Variants in EXOC4 observed in about 807,000 individuals in gnomAD.
EXOC4 encodes the protein exocyst complex component 4.
EXOC4 carries 71 observed loss-of-function variants against 107.2 expected under a neutral mutation model. The ratio of observed to expected loss-of-function variants is 0.66; its 90% confidence interval spans 0.55 to 0.81. The LOEUF is 0.81. Ranked by LOEUF, EXOC4 falls within the 30% of genes least tolerant of loss-of-function variation. EXOC4 has a pLI of 0.00. For synonymous variants in EXOC4, 456 were observed against 441.2 expected, an observed-to-expected ratio of 1.03 and a Z score of -0.42; for missense variants, 1,108 against 1,189.6, an observed-to-expected ratio of 0.93 and a Z score of 1.01.
intron 7 of EXOC4, among the ~76,000 whole-genome samples, chr7:133,393,552 G>A (rs1477982757): frequency 2.0e-5 from 3 of 152,180 alleles, no homozygotes; most frequent in Non-Finnish European, 4.4e-5. Flanking sequence ...CCAATGTGAT[G>A]GTATTTGGAG....
At chr7:133,344,242 A>T (rs191480804) in intron 5 of EXOC4, among the ~76,000 whole-genome samples, 37 of 152,166 alleles carry the variant, frequency 2.4e-4, no homozygotes, top group Admixed American at 1.7e-3. Flanking sequence ...TTCCTATCCC[A>T]AATTCTTGTT....
At chr7:133,536,943 G>A (rs992364588) in intron 9 of EXOC4, among the ~76,000 whole-genome samples, 14 of 152,030 alleles carry the variant, frequency 9.2e-5, no homozygotes, top group African/African-American at 2.4e-4. Flanking sequence ...GATTTGATTC[G>A]CCAGAACTGT....
chr7:133,658,026 T>C (rs111655885), intron 10 of EXOC4, among the ~76,000 whole-genome samples: 181 of 152,254 alleles, frequency 1.2e-3, no homozygotes, highest in African/African-American at 4.1e-3. Flanking sequence ...GAGAGTATAG[T>C]AGAGTAATCT....
At chr7:133,657,381 A>G (rs1371829740) in intron 10 of EXOC4, among the ~76,000 whole-genome samples, 1 of 152,184 alleles carries the variant, frequency 6.6e-6, no homozygotes, top group Non-Finnish European at 1.5e-5. Context: ...GTTCTGTATT[A>G]GTTCTATCCC....
chr7:133,438,548 G>A (rs1289431246), intron 7 of EXOC4, among the ~76,000 whole-genome samples: 1 of 152,232 alleles, frequency 6.6e-6, no homozygotes, highest in East Asian at 1.9e-4. Context: ...CGTCTGGAAT[G>A]CTTGTTAAAA....
At chr7:133,734,534 T>C (rs1042994103) in intron 10 of EXOC4, among the ~76,000 whole-genome samples, 3 of 152,058 alleles carry the variant, frequency 2.0e-5, no homozygotes, top group Non-Finnish European at 2.9e-5. Context: ...CGAGGATTTT[T>C]CCCCCGGTTT....
In EXOC4 at chr7:133,630,151, G is replaced by T. The variant is rs1222947904; in HGVS notation, c.1514+10G>T. On this transcript the variant is annotated intron_variant, in intron 10 of 17. Transcript: ENST00000253861. ...TCCACCCATTACTAAGGTAAGTCAA[G>T]TGCTATGATATACTTACTGAAGATC... The T allele has an allele frequency of 1.3e-6, 2 of 1,587,976 alleles. No individual in the cohort carries two copies. The highest frequency in any genetic ancestry group is 1.7e-6 in the Non-Finnish European group (2 of 1,156,406).
intron 11 of EXOC4, among the ~76,000 whole-genome samples, chr7:133,888,223 G>T (rs894707500): frequency 6.6e-5 from 10 of 152,056 alleles, no homozygotes; most frequent in African/African-American, 2.4e-4. Flanking sequence ...ATACACCTTT[G>T]TTTATTCTTT....
intron 6 of EXOC4, among the ~76,000 whole-genome samples, chr7:133,365,980 T>G (rs1796242378): frequency 1.3e-5 from 2 of 152,222 alleles, no homozygotes; most frequent in South Asian, 4.1e-4. Flanking sequence ...GGGAAAAGCA[T>G]AACCCTGATA....
At chr7:133,516,219 A>G (rs1799872653) in intron 9 of EXOC4, among the ~76,000 whole-genome samples, 1 of 152,170 alleles carries the variant, frequency 6.6e-6, no homozygotes, top group South Asian at 2.1e-4. Context: ...CACATACCAT[A>G]CTGTTCACCC....
At chr7:133,523,051 G>T (rs534139627) in intron 9 of EXOC4, among the ~76,000 whole-genome samples, 2 of 152,282 alleles carry the variant, frequency 1.3e-5, no homozygotes, top group Non-Finnish European at 2.9e-5. Flanking sequence ...TACATCGAAA[G>T]CTGTAATATA....
chr7:134,018,773 A>T (rs960677607), intron 17 of EXOC4, among the ~76,000 whole-genome samples: 1 of 151,702 alleles, frequency 6.6e-6, no homozygotes, highest in Non-Finnish European at 1.5e-5. Flanking sequence ...ACTAGTTACC[A>T]TGATTGTATT....
At chr7:133,481,847 G>C (rs1479087088) in intron 9 of EXOC4, among the ~76,000 whole-genome samples, 2 of 152,178 alleles carry the variant, frequency 1.3e-5, no homozygotes, top group Non-Finnish European at 2.9e-5. Context: ...GAGTGAAGGA[G>C]GAGGGTGACT....
chr7:133,793,252 T>C (rs1394521036), intron 10 of EXOC4, among the ~76,000 whole-genome samples: 1 of 152,106 alleles, frequency 6.6e-6, no homozygotes, highest in Non-Finnish European at 1.5e-5. Flanking sequence ...ATAGAGGCAA[T>C]AGTACTCTGT....
intron 10 of EXOC4, among the ~76,000 whole-genome samples, chr7:133,694,293 C>G (rs1353154891): frequency 2.7e-5 from 4 of 150,374 alleles, no homozygotes; most frequent in Non-Finnish European, 5.9e-5. Flanking sequence ...GTTATAAATG[C>G]TAAGTCTCAG....
intron 9 of EXOC4, among the ~76,000 whole-genome samples, chr7:133,555,764 T>C (rs1168516749): frequency 6.6e-6 from 1 of 152,226 alleles, no homozygotes; most frequent in Non-Finnish European, 1.5e-5. Context: ...AAATGCAATT[T>C]TGAATTTTCA....
chr7:133,722,062 T>C (rs1184849393), intron 10 of EXOC4, among the ~76,000 whole-genome samples: 1 of 152,222 alleles, frequency 6.6e-6, no homozygotes, highest in Non-Finnish European at 1.5e-5. Flanking sequence ...GATGAAGTTA[T>C]ATACCTGATG....
chr7:133,569,476 C>A (rs1170899808), intron 9 of EXOC4, among the ~76,000 whole-genome samples: 1 of 152,104 alleles, frequency 6.6e-6, no homozygotes, highest in Non-Finnish European at 1.5e-5. Context: ...TACAAGCAGG[C>A]AGTTATTTTC....
chr7:133,428,326 C>T (rs1284320962), intron 7 of EXOC4, among the ~76,000 whole-genome samples: 1 of 152,198 alleles, frequency 6.6e-6, no homozygotes, highest in Non-Finnish European at 1.5e-5. Context: ...TTCTTTCTCC[C>T]TTGGACTTCT....
Sources: allele counts gnomAD v4.1 joint callset (sites outside exome capture counted in the v4.1 genomes callset), GRCh38; gene constraint gnomAD v4.1.1; transcripts MANE v1.5; gene names NCBI Gene and HGNC (gene_info 2026-07-23, HGNC 2026-07-21).